HDLBP: variants seen among roughly 807,000 people sequenced by gnomAD.
The protein encoded by HDLBP is high density lipoprotein binding protein.
In HDLBP, 30 loss-of-function variants were observed where a neutral mutation model predicts 137.3. The observed-to-expected ratio is 0.22, with a 90% confidence interval of 0.16 to 0.30. HDLBP has a LOEUF of 0.30. HDLBP is among the 10% of genes least tolerant of loss of function. The probability of loss-of-function intolerance (pLI) is 1.00; values close to 1 mark genes in which losing one functional copy is unlikely to be tolerated. For missense variants in HDLBP, 1,119 were observed against 1,667.3 expected, an observed-to-expected ratio of 0.67 and a Z score of 5.73; for synonymous variants, 606 against 596.0, an observed-to-expected ratio of 1.02 and a Z score of -0.24.
chr2:241,230,146 G>A lies in HDLBP; in HGVS notation c.3591+7C>T, dbSNP rs577551141. 5.0e-6 allele frequency: 8 copies of A among 1,607,336 alleles called. No homozygotes were observed. In the African/African-American group the frequency reaches 5.3e-5, roughly 11 times the overall value. ...GCCTCAGGGCTCCAAGGCCCACAGA[G>A]ACTCACGTATTCCTCCTCCAGATTG... On this transcript the variant is annotated splice_region_variant and intron_variant, in intron 26 of 27. Transcript: ENST00000310931. This position sits in a 1 kb window ranked among gnomAD's most constrained non-coding sequence, Gnocchi z 5.0.
At chr2:241,264,036 T>C (rs1036573601) in intron 4 of HDLBP, among the ~76,000 whole-genome samples, 14 of 138,832 alleles carry the variant, frequency 1.0e-4, no homozygotes, top group Non-Finnish European at 1.8e-4. Flanking sequence ...CTTGGAAGGA[T>C]AGGTTAAGAA....
At chr2:241,255,028 A>ACC (rs2072502019) in intron 9 of HDLBP, 23 bp downstream of exon 9, 1 of 1,502,704 alleles carries the variant, frequency 6.7e-7, no homozygotes, top group African/African-American at 1.4e-5. Context: ...ATTCAATACA[A>ACC]CAGGTGAAAA....
chr2:241,273,354 C>T (rs891251062), intron 1 of HDLBP: 15 of 616,762 alleles, frequency 2.4e-5, no homozygotes, highest in Middle Eastern at 1.6e-3. Context: ...CTTAATCTCC[C>T]CCCCAAAATG....
At position 241,247,926 on chromosome 2, in the gene HDLBP, G is replaced by C. The variant is rs543443916; in HGVS notation, c.1731+77C>G. On this transcript the variant is annotated intron_variant, in intron 14 of 27. Transcript: ENST00000310931. ...TCCCCAGAGCAGGGGTCCTGTGGGGGTCAGGACTTCTGACAGGACGCATGC... is the reference window on the plus strand; with the variant it reads ...TCCCCAGAGCAGGGGTCCTGTGGGGCTCAGGACTTCTGACAGGACGCATGC... The C allele has an allele frequency of 1.3e-5, 13 of 987,280 alleles. No individual in the cohort carries two copies. In the South Asian group the frequency reaches 1.5e-4, roughly 12 times the overall value. 61.2% of individuals were successfully genotyped at this position (987,280 alleles called of 1,614,324 possible).
At chr2:241,312,613 A>G (rs2075786758) in intron 1 of HDLBP, among the ~76,000 whole-genome samples, 1 of 152,246 alleles carries the variant, frequency 6.6e-6, no homozygotes, top group Non-Finnish European at 1.5e-5. Context: ...CAATTGGGAA[A>G]GCCGCATGAT....
chr2:241,246,728 C>A, intron 16 of HDLBP, 24 bp downstream of exon 16: 1 of 1,609,158 alleles, frequency 6.2e-7, no homozygotes, highest in Non-Finnish European at 8.5e-7. Flanking sequence ...TGGAGGATCT[C>A]CATTAGAAAA....
chr2:241,266,995 C>G, intron 2 of HDLBP, 89 bp from the exon 3 acceptor site: 2 of 973,490 alleles, frequency 2.1e-6, no homozygotes, highest in Non-Finnish European at 3.3e-6. Context: ...CAAAGTTTTA[C>G]TCTCTTTTTT....
At position 241,244,766 on chromosome 2, in the gene HDLBP, A is replaced by C. The variant is rs555442076; in HGVS notation, c.1950+1986T>G. Among the ~76,000 whole-genome samples the C allele has an allele frequency of 2.6e-5, 4 of 152,342 alleles. No homozygotes were observed. In the Middle Eastern group the frequency reaches 0.014, roughly 518 times the overall value. On this transcript the variant is annotated intron_variant, in intron 16 of 27. Transcript: ENST00000310931. ...AAATGGCAACTGTGTGGATAAATAC[A>C]TACATTTTTTCATATTATTTAAATC...
chr2:241,314,574 C>T (rs1015762391), intron 1 of HDLBP, among the ~76,000 whole-genome samples: 5 of 152,134 alleles, frequency 3.3e-5, no homozygotes, highest in African/African-American at 1.2e-4. Flanking sequence ...ATCCACATTC[C>T]TTCAGCCGTT....
chr2:241,309,286 TGCA>T (rs986471226), intron 1 of HDLBP, among the ~76,000 whole-genome samples: 133 of 152,224 alleles, frequency 8.7e-4, no homozygotes, highest in African/African-American at 3.1e-3. Context: ...TCCGTGAAAG[TGCA>T]GGAGAACACA....
intron 1 of HDLBP, among the ~76,000 whole-genome samples, chr2:241,275,270 C>T (rs150250985): frequency 2.0e-5 from 3 of 151,538 alleles, no homozygotes; most frequent in African/African-American, 7.3e-5. Flanking sequence ...GCTAAAAGCC[C>T]AAAGCTCAAA....
At chr2:241,231,606 G>A (rs2069760325) in intron 24 of HDLBP, among the ~76,000 whole-genome samples, 2 of 152,138 alleles carry the variant, frequency 1.3e-5, no homozygotes, top group South Asian at 2.1e-4. Flanking sequence ...CTTTGCCCAC[G>A]TGGGCCACAG....
At chr2:241,307,459 G>C (rs2075619452) in intron 1 of HDLBP, among the ~76,000 whole-genome samples, 1 of 152,124 alleles carries the variant, frequency 6.6e-6, no homozygotes, top group Admixed American at 6.5e-5. Flanking sequence ...ACGAATAATG[G>C]TTTAATTAAC....
intron 1 of HDLBP, among the ~76,000 whole-genome samples, chr2:241,307,049 C>T (rs1342396925): frequency 5.3e-5 from 6 of 114,116 alleles, no homozygotes; most frequent in African/African-American, 2.1e-4. Context: ...AAGACACCAT[C>T]CTTTCATTTT....
chr2:241,249,952 C>T lies in HDLBP; in HGVS notation c.1401G>A (p.Val467=), dbSNP rs2071995909. ...CACTGTCAGGAGGGATGCGCACGGA[C>T]ACCTTGTACTGGTCTTTGATTCTGT... The part of the protein sequence containing the change: ...NINRIKDQYK[V]SVRIPPDSEK... The change falls in exon 12 of 28, where the codon GTG becomes GTA. Residue 467 remains valine, a synonymous_variant. Transcript: ENST00000310931. 2 of 1,611,628 alleles carry T rather than the reference C, an allele frequency of 1.2e-6. No homozygotes were observed. Among genetic ancestry groups the T allele is most frequent in the Admixed American group, 1.7e-5 (1 of 59,264 alleles).
intron 1 of HDLBP, among the ~76,000 whole-genome samples, chr2:241,288,424 T>C (rs1430322975): frequency 6.6e-6 from 1 of 152,180 alleles, no homozygotes; most frequent in East Asian, 1.9e-4. Context: ...TGAAGACACA[T>C]TTCATCTCAA....
In HDLBP at chr2:241,235,021, G is replaced by T. The variant is rs1035914503; in HGVS notation, c.3144+100C>A. 4.9e-6 allele frequency: 7 copies of T among 1,427,128 alleles called. No homozygotes were observed. In the African/African-American group the frequency reaches 9.8e-5, roughly 20 times the overall value. The allele number at this position is 1,427,128 out of a possible 1,614,324, so 88.4% of individuals were successfully genotyped here. On this transcript the variant is annotated intron_variant, in intron 23 of 27. Coordinates refer to ENST00000310931, the MANE Select transcript of HDLBP (RefSeq NM_005336.6). ...TGCATCTCACCTCCAGCCAGATGTC[G>T]CTGGGATGCTGGGATCCTGAAGAAC...
intron 2 of HDLBP, 71 bp from the exon 3 acceptor site, chr2:241,266,977 A>G (rs937028593): frequency 8.7e-7 from 1 of 1,150,018 alleles, no homozygotes; most frequent in African/African-American, 1.5e-5. Flanking sequence ...TTAACCTAAG[A>G]GTTTTAGCAA....
At chr2:241,313,156 T>C (rs1255459458) in intron 1 of HDLBP, among the ~76,000 whole-genome samples, 1 of 152,250 alleles carries the variant, frequency 6.6e-6, no homozygotes, top group African/African-American at 2.4e-5. Context: ...CTATTTCCTA[T>C]GTCCACACCT....
Sources: allele counts gnomAD v4.1 joint callset (sites outside exome capture counted in the v4.1 genomes callset), GRCh38; gene constraint gnomAD v4.1.1; non-coding constraint Gnocchi (gnomAD v3.1); transcripts MANE v1.5; gene names NCBI Gene and HGNC (gene_info 2026-07-23, HGNC 2026-07-21).